The following TOX variants were observed in gnomAD, a reference collection of about 807,000 sequenced individuals.
TOX encodes the protein thymocyte selection-associated high mobility group box protein TOX.
In TOX, 11 loss-of-function variants were observed where a neutral mutation model predicts 53.7. The ratio of observed to expected loss-of-function variants is 0.20; its 90% CI spans 0.13 to 0.34. The LOEUF (loss-of-function observed/expected upper bound fraction) is 0.34. Among genes scored for constraint, TOX ranks in the 10% least tolerant of loss-of-function variants. The pLI is 1.00. For synonymous variants in TOX, 225 were observed against 245.3 expected, an observed-to-expected ratio of 0.92 and a Z score of 0.77; for missense variants, 570 against 664.6, an observed-to-expected ratio of 0.86 and a Z score of 1.56.
chr8:58,943,109 C>T (rs1812468774), intron 2 of TOX, among the ~76,000 whole-genome samples: 1 of 152,192 alleles, frequency 6.6e-6, no homozygotes, highest in East Asian at 1.9e-4. Context: ...GACTGCTGCT[C>T]TGATCCCCTG....
intron 1 of TOX, among the ~76,000 whole-genome samples, chr8:59,096,988 G>A (rs1185426986): frequency 6.6e-6 from 1 of 152,136 alleles, no homozygotes; most frequent in Non-Finnish European, 1.5e-5. Context: ...CAGGATAGAG[G>A]GCAATCCCAG....
At chr8:59,047,088 G>A (rs77477612) in intron 1 of TOX, among the ~76,000 whole-genome samples, 2 of 150,888 alleles carry the variant, frequency 1.3e-5, no homozygotes, top group Admixed American at 6.6e-5. Context: ...AGAAGCAAGC[G>A]CTCCAGCTTT....
chr8:59,106,908 T>G (rs1046553897), intron 1 of TOX, among the ~76,000 whole-genome samples: 3 of 152,166 alleles, frequency 2.0e-5, no homozygotes, highest in Admixed American at 6.5e-5. Context: ...CAAAAAGATT[T>G]TGTATGGCAA....
intron 3 of TOX, among the ~76,000 whole-genome samples, chr8:58,868,847 A>G (rs1413153803): frequency 1.3e-5 from 2 of 149,160 alleles, no homozygotes; most frequent in Admixed American, 1.3e-4. Flanking sequence ...AATGAAATCA[A>G]TAACAGGAAA....
chr8:58,931,437 T>A (rs545989955), intron 3 of TOX, among the ~76,000 whole-genome samples: 16 of 152,190 alleles, frequency 1.1e-4, no homozygotes, highest in African/African-American at 3.6e-4. Context: ...AACTGCAGGA[T>A]TGACTTAATA....
At chr8:59,091,333 ACTCT>A (rs1301954234) in intron 1 of TOX, among the ~76,000 whole-genome samples, 1 of 151,820 alleles carries the variant, frequency 6.6e-6, no homozygotes, top group East Asian at 1.9e-4. Flanking sequence ...ACTCCCCAGA[ACTCT>A]CTCTGAGACA....
At chr8:59,113,270 T>A (rs1158446468) in intron 1 of TOX, among the ~76,000 whole-genome samples, 1 of 152,192 alleles carries the variant, frequency 6.6e-6, no homozygotes, top group Non-Finnish European at 1.5e-5. Context: ...CTCTGAGCTC[T>A]AAATACACTG....
intron 1 of TOX, among the ~76,000 whole-genome samples, chr8:59,060,046 A>T (rs1461309679): frequency 1.3e-5 from 2 of 152,226 alleles, no homozygotes; most frequent in Non-Finnish European, 2.9e-5. Flanking sequence ...AGACAAATAC[A>T]AATAAAGCAT....
intron 1 of TOX, among the ~76,000 whole-genome samples, chr8:59,085,979 CTT>C (rs35593177): frequency 0.022 from 1,983 of 88,676 alleles, 11 homozygotes; most frequent in South Asian, 0.033. Flanking sequence ...CTTTTCTTTT[CTT>C]TTTTTTTTTT....
At chr8:58,975,282 AG>A (rs1813076011) in intron 1 of TOX, among the ~76,000 whole-genome samples, 1 of 151,922 alleles carries the variant, frequency 6.6e-6, no homozygotes. Context: ...AGAGAGAGAG[AG>A]AGAGAGGGGA....
chr8:58,836,199 AG>A (rs1451839108), intron 5 of TOX, among the ~76,000 whole-genome samples: 1 of 152,000 alleles, frequency 6.6e-6, no homozygotes, highest in East Asian at 1.9e-4. Context: ...GGGAACAGGG[AG>A]GGGGTTGGGA....
At chr8:58,954,922 G>A (rs1415095486) in intron 2 of TOX, among the ~76,000 whole-genome samples, 2 of 152,196 alleles carry the variant, frequency 1.3e-5, no homozygotes, top group Non-Finnish European at 2.9e-5. Flanking sequence ...GAGGAAGCAG[G>A]TGGGAGGTGA....
At chr8:59,088,461 A>T (rs1804551534) in intron 1 of TOX, among the ~76,000 whole-genome samples, 1 of 152,122 alleles carries the variant, frequency 6.6e-6, no homozygotes, top group African/African-American at 2.4e-5. Flanking sequence ...TAGGCCAAAA[A>T]TTTTTCTAGA....
chr8:59,039,159 A>G (rs1244193937), intron 1 of TOX, among the ~76,000 whole-genome samples: 1 of 152,358 alleles, frequency 6.6e-6, no homozygotes, highest in African/African-American at 2.4e-5. Context: ...CATTATGTCA[A>G]TTCACATCAA....
intron 7 of TOX, among the ~76,000 whole-genome samples, chr8:58,809,205 G>T (rs890017450): frequency 1.3e-5 from 2 of 152,180 alleles, no homozygotes; most frequent in Admixed American, 1.3e-4. Context: ...CTCCAAAGCA[G>T]ATTCCATCCA....
intron 1 of TOX, among the ~76,000 whole-genome samples, chr8:59,021,306 T>TG (rs1814124740): frequency 1.3e-5 from 2 of 149,482 alleles, no homozygotes; most frequent in South Asian, 4.2e-4. Context: ...ATTAGGGAAG[T>TG]GGGGAAGCAG....
intron 3 of TOX, among the ~76,000 whole-genome samples, chr8:58,927,645 G>A (rs530604752): frequency 1.9e-4 from 29 of 152,274 alleles, no homozygotes; most frequent in African/African-American, 6.3e-4. Flanking sequence ...TTGTTAGAAC[G>A]TCCCGTGGTA....
At chr8:58,906,785 A>G (rs1461147347) in intron 3 of TOX, among the ~76,000 whole-genome samples, 1 of 152,202 alleles carries the variant, frequency 6.6e-6, no homozygotes, top group Non-Finnish European at 1.5e-5. Flanking sequence ...AAAAGGCATT[A>G]GCCAGGCTTG....
At chr8:59,054,747 C>A (rs1376339144) in intron 1 of TOX, among the ~76,000 whole-genome samples, 1 of 149,418 alleles carries the variant, frequency 6.7e-6, no homozygotes. Context: ...CCACCAAGTA[C>A]CAACAGCCAC....
Sources: gnomAD v4.1 joint callset for allele counts (sites outside exome capture counted in the v4.1 genomes callset) on GRCh38, gnomAD v4.1.1 for gene constraint, MANE v1.5 for transcripts, NCBI Gene and HGNC (gene_info 2026-07-23, HGNC 2026-07-21) for gene names.